Variants in IKZF3 observed in about 807,000 individuals in gnomAD.
IKZF3 encodes the protein IKAROS family zinc finger 3.
IKZF3 carries 10 observed loss-of-function variants against 49.0 expected under a neutral mutation model. The observed-to-expected ratio is 0.20, with a 90% confidence interval of 0.13 to 0.35. IKZF3 has a LOEUF of 0.35. IKZF3 is among the 10% of genes least tolerant of loss of function. IKZF3 has a pLI of 1.00. For missense variants in IKZF3, 498 were observed against 664.8 expected, an observed-to-expected ratio of 0.75 and a Z score of 2.76; for synonymous variants, 209 against 228.2, an observed-to-expected ratio of 0.92 and a Z score of 0.76.
chr17:39,822,556 A>G (rs915004106), intron 3 of IKZF3, among the ~76,000 whole-genome samples: 5 of 151,528 alleles, frequency 3.3e-5, no homozygotes, highest in African/African-American at 7.3e-5. Flanking sequence ...CTTCTTTATA[A>G]ATTACCCAGT....
chr17:39,810,081 A>G (rs1178928561), intron 3 of IKZF3, among the ~76,000 whole-genome samples: 2 of 152,190 alleles, frequency 1.3e-5, no homozygotes, highest in Non-Finnish European at 2.9e-5. Flanking sequence ...GAAATTTCAC[A>G]TACTATTGAT....
At chr17:39,785,716 CTA>C (rs1252210719) in intron 6 of IKZF3, among the ~76,000 whole-genome samples, 5 of 152,042 alleles carry the variant, frequency 3.3e-5, no homozygotes, top group African/African-American at 1.2e-4. Flanking sequence ...ATGTGTGTTA[CTA>C]TATTTCTTTT....
At chr17:39,767,784 C>A (rs993276150) in intron 7 of IKZF3, among the ~76,000 whole-genome samples, 3 of 152,138 alleles carry the variant, frequency 2.0e-5, no homozygotes, top group South Asian at 4.1e-4. Flanking sequence ...AAAAGTTGGC[C>A]GGGCGCGGTG....
rs2063300501 is a variant in IKZF3 at position 39,864,270 on chromosome 17, A to T, written c.-144T>A. The T allele has an allele frequency of 1.1e-6, 1 of 931,074 alleles. No homozygotes were observed. Among genetic ancestry groups the T allele is most frequent in the African/African-American group, 1.8e-5 (1 of 56,890 alleles). 57.7% of individuals were successfully genotyped at this position (931,074 alleles called of 1,614,324 possible). A position where few individuals can be genotyped will look rare whatever the true frequency, so the allele number is the denominator to read the frequency against. ...GGATCCGGCAGCCGCGTCGGCGCAG[A>T]CTGAAAAGGGCAGGAGCCGGCGACC... is the stretch of plus-strand genomic sequence containing the variant. On this transcript the variant is annotated 5_prime_UTR_variant, in exon 1 of 8. Transcript: ENST00000346872.
rs937010822 is a variant in IKZF3, at chr17:39,839,539, G to A, written c.8-7388C>T. On this transcript the variant is annotated intron_variant, in intron 1 of 7. Transcript: ENST00000346872. ...TGAGAAGACATGGTGAGAAGTGGAGGCAAGCACACACCACGATGGCGGAGA... is the reference window on the plus strand; with the variant it reads ...TGAGAAGACATGGTGAGAAGTGGAGACAAGCACACACCACGATGGCGGAGA... The A allele has an allele frequency of 1.1e-5, 6 of 543,280 alleles. No homozygotes were observed. In the African/African-American group the frequency reaches 1.2e-4, roughly 11 times the overall value. The allele number at this position is 543,280 out of a possible 1,614,324, so 33.7% of individuals were successfully genotyped here. A position where few individuals can be genotyped will look rare whatever the true frequency, so the allele number is the denominator to read the frequency against.
chr17:39,810,295 T>A (rs1342911355), intron 3 of IKZF3, among the ~76,000 whole-genome samples: 1 of 152,222 alleles, frequency 6.6e-6, no homozygotes, highest in Non-Finnish European at 1.5e-5. Flanking sequence ...ATTAAGTACA[T>A]ACTAAGTTGA....
In IKZF3 at chr17:39,793,974, C is replaced by T. The variant is rs147626528; in HGVS notation, c.164-1041G>A. On this transcript the variant is annotated intron_variant, in intron 3 of 7. Coordinates refer to ENST00000346872, the MANE Select transcript of IKZF3 (RefSeq NM_012481.5). Reference sequence around the variant, plus strand: ...TAATAAACATTTGTAAGGGATTTTGCATATATAAAATATGCTATATAAATG... The same window carrying T: ...TAATAAACATTTGTAAGGGATTTTGTATATATAAAATATGCTATATAAATG... Among the ~76,000 whole-genome samples the T allele has an allele frequency of 5.5e-3, 841 of 152,278 alleles. 4 individuals are homozygous for T. The highest frequency in any genetic ancestry group is 0.019 in the African/African-American group (805 of 41,544).
intron 1 of IKZF3, among the ~76,000 whole-genome samples, chr17:39,843,256 A>G (rs948304494): frequency 2.0e-5 from 3 of 152,196 alleles, no homozygotes; most frequent in South Asian, 2.1e-4. Flanking sequence ...TTGTGAAGGC[A>G]GGGCACATAC....
chr17:39,839,271 C>A, intron 1 of IKZF3: 1 of 380,590 alleles, frequency 2.6e-6, no homozygotes, highest in East Asian at 6.5e-5. Flanking sequence ...AAAACATGTT[C>A]AACTCTCCAG....
chr17:39,798,100 C>A (rs1323872669), intron 3 of IKZF3, among the ~76,000 whole-genome samples: 1 of 152,098 alleles, frequency 6.6e-6, no homozygotes, highest in Non-Finnish European at 1.5e-5. Flanking sequence ...TAATCTGTTT[C>A]TCCACTCCTG....
At chr17:39,844,989 A>G (rs539356025) in intron 1 of IKZF3, among the ~76,000 whole-genome samples, 50 of 152,256 alleles carry the variant, frequency 3.3e-4, no homozygotes, top group African/African-American at 1.1e-3. Flanking sequence ...CAGCCCCTAC[A>G]CTAGTGTCTG....
chr17:39,780,876 T>C (rs2060724925), intron 6 of IKZF3, among the ~76,000 whole-genome samples: 1 of 152,204 alleles, frequency 6.6e-6, no homozygotes, highest in Non-Finnish European at 1.5e-5. Context: ...ATGATAATAA[T>C]GTGATAATAA....
chr17:39,804,445 C>CA (rs755310056), intron 3 of IKZF3, among the ~76,000 whole-genome samples: 4,169 of 79,982 alleles, frequency 0.052, 202 homozygotes, highest in African/African-American at 0.16. Context: ...GACTCTGTCT[C>CA]AAAAAAAAAA....
chr17:39,776,174 C>G (rs2060582933), intron 7 of IKZF3, among the ~76,000 whole-genome samples: 1 of 151,992 alleles, frequency 6.6e-6, no homozygotes, highest in Admixed American at 6.6e-5. Context: ...TTTCTTGAGC[C>G]CAGGTGTTTG....
chr17:39,845,898 T>C (rs983010375), intron 1 of IKZF3, among the ~76,000 whole-genome samples: 1 of 152,190 alleles, frequency 6.6e-6, no homozygotes, highest in East Asian at 1.9e-4. Context: ...GGTAAAAATA[T>C]CGACCACAGG....
At chr17:39,801,747 A>C (rs1270095425) in intron 3 of IKZF3, among the ~76,000 whole-genome samples, 1 of 152,222 alleles carries the variant, frequency 6.6e-6, no homozygotes, top group Non-Finnish European at 1.5e-5. Context: ...GGAAAGTTTT[A>C]ATATTTGCTA....
chr17:39,800,624 A>G (rs1373933381), intron 3 of IKZF3, among the ~76,000 whole-genome samples: 1 of 152,122 alleles, frequency 6.6e-6, no homozygotes, highest in Non-Finnish European at 1.5e-5. Context: ...CTATGTTTTC[A>G]GGCCTCTTAG....
chr17:39,791,302 C>G, intron 5 of IKZF3, 114 bp downstream of exon 5: 1 of 1,111,414 alleles, frequency 9.0e-7, no homozygotes, highest in South Asian at 1.4e-5. Flanking sequence ...CTGTTGTAAC[C>G]CTTCAGAACA....
chr17:39,850,543 TTATAGCATATTATACATGTACATATAGTA>T (rs1568063781), intron 1 of IKZF3, among the ~76,000 whole-genome samples: 8 of 117,728 alleles, frequency 6.8e-5, no homozygotes, highest in African/African-American at 2.2e-4. Context: ...CATGTACATA[TTATAGCATATTATACATGTACATATAGTA>T]TATAGCATAT....
Sources: allele counts gnomAD v4.1 joint callset (sites outside exome capture counted in the v4.1 genomes callset), GRCh38; gene constraint gnomAD v4.1.1; transcripts MANE v1.5; gene names NCBI Gene and HGNC (gene_info 2026-07-23, HGNC 2026-07-21).